PDGFC: variants seen among roughly 807,000 people sequenced by gnomAD.
The protein encoded by PDGFC is platelet derived growth factor C, also known as platelet-derived growth factor C.
PDGFC carries 12 observed loss-of-function variants against 35.5 expected under a neutral mutation model. The ratio of observed to expected loss-of-function variants is 0.34; its 90% CI spans 0.22 to 0.55. PDGFC has a LOEUF of 0.55. Among genes scored for constraint, PDGFC ranks in the 20% least tolerant of loss-of-function variants. The pLI, the probability that PDGFC is intolerant of heterozygous loss-of-function variation, is 0.91. For synonymous variants in PDGFC, 159 were observed against 148.8 expected (o/e 1.07, Z -0.50); for missense variants, 322 against 412.4 (o/e 0.78, Z 1.90).
At chr4:156,858,396 T>C (rs2111106119) in intron 1 of PDGFC, among the ~76,000 whole-genome samples, 1 of 152,244 alleles carries the variant, frequency 6.6e-6, no homozygotes, top group Non-Finnish European at 1.5e-5. Context: ...TGGCCAAGTA[T>C]ATACACACAG....
chr4:156,948,713 A>G (rs1732006541), intron 1 of PDGFC, among the ~76,000 whole-genome samples: 1 of 152,002 alleles, frequency 6.6e-6, no homozygotes, highest in African/African-American at 2.4e-5. Context: ...TACAGCCTTT[A>G]TAGATGAAAT....
chr4:156,788,310 G>T (rs535696793), intron 3 of PDGFC, among the ~76,000 whole-genome samples: 1 of 152,106 alleles, frequency 6.6e-6, no homozygotes, highest in Non-Finnish European at 1.5e-5. Context: ...CCAGAACCCC[G>T]AAAAGCTACC....
At chr4:156,876,567 G>T (rs565878501) in intron 1 of PDGFC, 1 of 152,074 alleles carries the variant, frequency 6.6e-6, no homozygotes, top group Non-Finnish European at 1.5e-5. Flanking sequence ...TTTATATATC[G>T]CATGAAAATG....
intron 1 of PDGFC, among the ~76,000 whole-genome samples, chr4:156,860,243 C>A (rs1054837574): frequency 1.3e-5 from 2 of 152,138 alleles, no homozygotes; most frequent in African/African-American, 4.8e-5. Context: ...TCAGGGCCAA[C>A]TTTGAAGAGT....
chr4:156,892,561 T>A (rs543931595), intron 1 of PDGFC, among the ~76,000 whole-genome samples: 124 of 151,984 alleles, frequency 8.2e-4, no homozygotes, highest in African/African-American at 2.8e-3. Flanking sequence ...AATGGTGAAA[T>A]GGAAATCCAA....
chr4:156,857,354 A>T (rs17035337), intron 1 of PDGFC, among the ~76,000 whole-genome samples: 4,703 of 152,162 alleles, frequency 0.031, 269 homozygotes, highest in African/African-American at 0.11. Flanking sequence ...ATTAAGCAAG[A>T]AGCAGTGATT....
chr4:156,801,350 C>T (rs751841568), intron 3 of PDGFC, among the ~76,000 whole-genome samples: 7 of 152,158 alleles, frequency 4.6e-5, no homozygotes, highest in Admixed American at 1.3e-4. Flanking sequence ...GTTTAGCTGG[C>T]TCTATGTGCA....
intron 3 of PDGFC, 123 bp from the exon 4 acceptor site, chr4:156,773,016 C>T: frequency 1.5e-6 from 1 of 647,570 alleles, no homozygotes; most frequent in Non-Finnish European, 2.7e-6. Context: ...TGTATTGAAT[C>T]CAATTAGAAA....
intron 2 of PDGFC, among the ~76,000 whole-genome samples, chr4:156,838,076 A>G (rs952285513): frequency 6.6e-6 from 1 of 152,178 alleles, no homozygotes; most frequent in Non-Finnish European, 1.5e-5. Flanking sequence ...AGTTGCTGGA[A>G]AGGGCATTGG....
chr4:156,816,687 A>G (rs1290439064), intron 2 of PDGFC, among the ~76,000 whole-genome samples: 6 of 152,196 alleles, frequency 3.9e-5, no homozygotes, highest in Non-Finnish European at 7.4e-5. Flanking sequence ...CGAAGGCTTC[A>G]TTCTCACGAG....
chr4:156,823,783 T>G (rs1221984441), intron 2 of PDGFC, among the ~76,000 whole-genome samples: 1 of 152,186 alleles, frequency 6.6e-6, no homozygotes, highest in East Asian at 1.9e-4. Flanking sequence ...CTGCACTTCC[T>G]TGTTCATTTC....
At chr4:156,856,440 G>C (rs998468732) in intron 1 of PDGFC, among the ~76,000 whole-genome samples, 2 of 152,080 alleles carry the variant, frequency 1.3e-5, no homozygotes, top group Non-Finnish European at 2.9e-5. Context: ...TTGTAATTTG[G>C]TTTCATTCCT....
chr4:156,970,654 A>G, intron 1 of PDGFC, 132 bp downstream of exon 1: 1 of 688,390 alleles, frequency 1.5e-6, no homozygotes. Flanking sequence ...CAATGAACGC[A>G]GCGCACATTT....
In PDGFC at chr4:156,853,151, G is replaced by C. The variant is rs549980447; in HGVS notation, c.119-2735C>G. On this transcript the variant is annotated intron_variant, in intron 1 of 5. Coordinates refer to ENST00000502773, the MANE Select transcript of PDGFC (RefSeq NM_016205.3). ...TACACCTTCTATCGCACACAAAGCT[G>C]TTTGAATTATGGGTATTTCTTTTTG... Among the ~76,000 whole-genome samples, 70 of 152,324 alleles carry C rather than the reference G, an allele frequency of 4.6e-4. 1 individual carries two copies. The South Asian group carries it at 0.014, about 31-fold the overall frequency.
chr4:156,925,591 C>T (rs1311861222), intron 1 of PDGFC, among the ~76,000 whole-genome samples: 2 of 151,856 alleles, frequency 1.3e-5, no homozygotes, highest in Non-Finnish European at 2.9e-5. Context: ...AATTAAGATG[C>T]CTATGAGATC....
rs556646416 is a variant in PDGFC, at chr4:156,860,691, A to C, written c.119-10275T>G. Among the ~76,000 whole-genome samples, 365 of 152,020 alleles carry C rather than the reference A, an allele frequency of 2.4e-3. 1 individual carries two copies. The highest frequency in any genetic ancestry group is 8.4e-3 in the African/African-American group (350 of 41,464). On this transcript the variant is annotated intron_variant, in intron 1 of 5. Coordinates refer to ENST00000502773, the MANE Select transcript of PDGFC (RefSeq NM_016205.3). ...TCTCAAGTGTAGATATGGCTTTTTA[A>C]AGAAAGATATGCATAATGCATAATG...
chr4:156,807,065 A>G (rs1316742172), intron 3 of PDGFC, among the ~76,000 whole-genome samples: 1 of 151,766 alleles, frequency 6.6e-6, no homozygotes, highest in Non-Finnish European at 1.5e-5. Flanking sequence ...CAAAGACATT[A>G]ACTCCTTAGG....
intron 2 of PDGFC, among the ~76,000 whole-genome samples, chr4:156,825,593 T>TAATAATAAGAAGAAGAAGAAGAAG (rs1267062505): frequency 4.8e-5 from 3 of 62,186 alleles, no homozygotes; most frequent in East Asian, 9.4e-4. Flanking sequence ...ATAATAATAA[T>TAATAATAAGAAGAAGAAGAAGAAG]AAGAAGAAGA....
At chr4:156,827,691 T>C (rs974221222) in intron 2 of PDGFC, among the ~76,000 whole-genome samples, 1 of 152,174 alleles carries the variant, frequency 6.6e-6, no homozygotes, top group South Asian at 2.1e-4. Flanking sequence ...AATATGCAGC[T>C]TAGACTACAT....
Sources: gnomAD v4.1 joint callset for allele counts (sites outside exome capture counted in the v4.1 genomes callset) on GRCh38, gnomAD v4.1.1 for gene constraint, MANE v1.5 for transcripts, NCBI Gene and HGNC (gene_info 2026-07-23, HGNC 2026-07-21) for gene names.